The following NTN4 variants were observed in gnomAD, a reference collection of about 807,000 sequenced individuals.
The protein encoded by NTN4 is netrin 4, also known as netrin-4.
NTN4 carries 32 observed loss-of-function variants against 73.6 expected under a neutral mutation model. The ratio of observed to expected loss-of-function variants is 0.44; its 90% CI spans 0.33 to 0.58. NTN4 has a LOEUF of 0.58. Ranked by LOEUF, NTN4 falls within the 20% of genes least tolerant of loss-of-function variation. The pLI is 0.04. For synonymous variants in NTN4, 258 were observed against 287.5 expected (o/e 0.90, Z 1.04); for missense variants, 654 against 798.3 (o/e 0.82, Z 2.18).
At chr12:95,771,021 G>A (rs1383735824) in intron 2 of NTN4, among the ~76,000 whole-genome samples, 4 of 101,236 alleles carry the variant, frequency 4.0e-5, no homozygotes, top group African/African-American at 8.2e-5. Context: ...ACAGAGTCTC[G>A]CTCTGTCGCC....
At chr12:95,660,729 G>T (rs906086720) in intron 9 of NTN4, among the ~76,000 whole-genome samples, 1 of 152,184 alleles carries the variant, frequency 6.6e-6, no homozygotes, top group East Asian at 1.9e-4. Context: ...ATATAAAATA[G>T]AGGCACACTT....
At chr12:95,708,742 A>C (rs2078540412) in intron 5 of NTN4, among the ~76,000 whole-genome samples, 1 of 152,134 alleles carries the variant, frequency 6.6e-6, no homozygotes. Context: ...ATTCTATGAC[A>C]GGCAATGTGC....
chr12:95,672,314 T>TA, intron 7 of NTN4: 1 of 781,742 alleles, frequency 1.3e-6, no homozygotes, highest in Non-Finnish European at 2.4e-6. Flanking sequence ...CATGGCCGCC[T>TA]ACAAACTGGT....
intron 2 of NTN4, among the ~76,000 whole-genome samples, chr12:95,746,646 A>G (rs1041723441): frequency 6.6e-6 from 1 of 152,168 alleles, no homozygotes; most frequent in Non-Finnish European, 1.5e-5. Context: ...CAAATCTCTG[A>G]AAGTCTCTTC....
rs374885197 is a variant in NTN4 at position 95,738,054 on chromosome 12, C to T, written c.676G>A (p.Val226Met). 23 of 1,614,004 alleles carry T rather than the reference C, an allele frequency of 1.4e-5. No homozygotes were observed. The African/African-American group carries it at 2.0e-4, about 14-fold the overall frequency. ...CAAGACTGTCGTTTCAGCAGCTGCA[C>T]GCGAAGGTTGGTGATCTTCAGCTGC... ...QEQLKITNLR[V>M]QLLKRQSCPC... The change falls in exon 3 of 10, where the codon GTG (valine) becomes ATG (methionine). Residue 226 changes from valine (V) to methionine (M), a missense_variant. Val to Met is a conservative substitution (Grantham distance 21). Coordinates refer to ENST00000343702, the MANE Select transcript of NTN4 (RefSeq NM_021229.4).
At chr12:95,678,684 A>G (rs1199571470) in intron 7 of NTN4, among the ~76,000 whole-genome samples, 1 of 152,202 alleles carries the variant, frequency 6.6e-6, no homozygotes, top group Non-Finnish European at 1.5e-5. Context: ...TTTGTCAATA[A>G]TATGATGGCC....
intron 2 of NTN4, among the ~76,000 whole-genome samples, chr12:95,740,259 C>G (rs2078814143): frequency 6.6e-6 from 1 of 152,198 alleles, no homozygotes; most frequent in Non-Finnish European, 1.5e-5. Flanking sequence ...TGGCAGGTCG[C>G]CCTTTGGGTC....
intron 2 of NTN4, among the ~76,000 whole-genome samples, chr12:95,763,269 G>A (rs1194497869): frequency 6.6e-6 from 1 of 152,066 alleles, no homozygotes; most frequent in Non-Finnish European, 1.5e-5. Flanking sequence ...AAGAACATGA[G>A]GCCATTTAAC....
intron 3 of NTN4, among the ~76,000 whole-genome samples, chr12:95,725,834 G>T (rs985039149): frequency 2.6e-5 from 4 of 152,136 alleles, no homozygotes; most frequent in African/African-American, 9.7e-5. Flanking sequence ...TTATTAAAAA[G>T]TTACGCTTGT....
At chr12:95,739,873 A>G (rs1025287983) in intron 2 of NTN4, 11 of 151,864 alleles carry the variant, frequency 7.2e-5, no homozygotes, top group South Asian at 2.1e-4. Flanking sequence ...TCCCTCTCTC[A>G]CCCCATTCCA....
chr12:95,707,433 T>G (rs1020231181), intron 5 of NTN4, among the ~76,000 whole-genome samples: 4 of 152,180 alleles, frequency 2.6e-5, no homozygotes, highest in African/African-American at 9.7e-5. Flanking sequence ...TTCACTGTCT[T>G]CAAATCTTAG....
chr12:95,759,486 T>A (rs1167803448), intron 2 of NTN4, among the ~76,000 whole-genome samples: 1 of 130,428 alleles, frequency 7.7e-6, no homozygotes. Context: ...CCTAGTAGTA[T>A]TTTTGTTTTT....
intron 2 of NTN4, 149 bp downstream of exon 2, chr12:95,786,790 T>G: frequency 2.9e-6 from 2 of 684,434 alleles, no homozygotes; most frequent in Non-Finnish European, 4.8e-6. Context: ...TATGTAAGGG[T>G]AAGAAATAAT....
intron 5 of NTN4, among the ~76,000 whole-genome samples, chr12:95,685,950 A>G (rs2078357662): frequency 6.6e-6 from 1 of 152,164 alleles, no homozygotes; most frequent in South Asian, 2.1e-4. Flanking sequence ...GCAATGGCAC[A>G]TCACTGCTCA....
At chr12:95,770,470 T>A (rs2079049627) in intron 2 of NTN4, among the ~76,000 whole-genome samples, 2 of 152,196 alleles carry the variant, frequency 1.3e-5, no homozygotes, top group African/African-American at 4.8e-5. Flanking sequence ...ACCAGTTTGA[T>A]GTGACCTCCA....
At chr12:95,712,640 C>T (rs1054041431) in intron 4 of NTN4, among the ~76,000 whole-genome samples, 1 of 152,072 alleles carries the variant, frequency 6.6e-6, no homozygotes, top group Non-Finnish European at 1.5e-5. Context: ...TTCCCTCTGT[C>T]ACCCAGGCTG....
chr12:95,731,308 C>G (rs2078735320), intron 3 of NTN4, among the ~76,000 whole-genome samples: 1 of 152,160 alleles, frequency 6.6e-6, no homozygotes, highest in African/African-American at 2.4e-5. Flanking sequence ...TGGCTCACAC[C>G]TGTAATCCCA....
In NTN4 at chr12:95,682,758, G is replaced by T. The variant is rs749415751; in HGVS notation, c.1459C>A (p.Pro487Thr). 6.8e-6 allele frequency: 11 copies of T among 1,614,032 alleles called. No individual in the cohort carries two copies. The African/African-American group carries it at 1.3e-4, about 20-fold the overall frequency. ...DFRPVHNKSE[P>T]AWEWEDAQGF... ...TGCGCATCCTCCCACTCCCAGGCTG[G>T]TTCGCTCTTATTGTGCACGGGACGG... The change falls in exon 7 of 10, where the codon CCA (proline) becomes ACA (threonine). Residue 487 changes from proline to threonine, a missense_variant. Transcript: ENST00000343702.
chr12:95,717,129 A>G (rs1380451774), intron 3 of NTN4, among the ~76,000 whole-genome samples: 1 of 152,098 alleles, frequency 6.6e-6, no homozygotes, highest in Non-Finnish European at 1.5e-5. Context: ...ACTTTTTAGC[A>G]ACCGTTTATT....
Sources: gnomAD v4.1 joint callset for allele counts (sites outside exome capture counted in the v4.1 genomes callset) on GRCh38, gnomAD v4.1.1 for gene constraint, MANE v1.5 for transcripts, NCBI Gene and HGNC (gene_info 2026-07-23, HGNC 2026-07-21) for gene names.